EIF3H: variants seen among roughly 807,000 people sequenced by gnomAD.
EIF3H encodes the protein eukaryotic translation initiation factor 3 subunit H, also known as eIF-3-gamma.
A neutral mutation model predicts 44.2 loss-of-function variants in EIF3H; 26 were observed. The observed-to-expected ratio is 0.59, with a 90% CI of 0.43 to 0.82. The LOEUF (loss-of-function observed/expected upper bound fraction) is 0.82. Among genes scored for constraint, EIF3H ranks in the 40% least tolerant of loss-of-function variants. EIF3H has a pLI of 0.00. For missense variants in EIF3H, 359 were observed against 432.8 expected (o/e 0.83, Z 1.51); for synonymous variants, 166 against 151.9 (o/e 1.09, Z -0.68).
chr8:116,715,520 A>C (rs1814647514), intron 2 of EIF3H, among the ~76,000 whole-genome samples: 1 of 152,052 alleles, frequency 6.6e-6, no homozygotes, highest in Non-Finnish European at 1.5e-5. Flanking sequence ...AAATCAACCT[A>C]TTTTGAAGGC....
intron 2 of EIF3H, among the ~76,000 whole-genome samples, chr8:116,670,069 T>G (rs369650848): frequency 1.3e-5 from 2 of 152,348 alleles, no homozygotes; most frequent in African/African-American, 4.8e-5. Context: ...ACATTTCCTG[T>G]TATGACAATA....
At chr8:116,675,934 TATGA>T (rs1426579178) in intron 2 of EIF3H, among the ~76,000 whole-genome samples, 3 of 152,308 alleles carry the variant, frequency 2.0e-5, no homozygotes, top group African/African-American at 7.2e-5. Flanking sequence ...GTAAAACGTA[TATGA>T]ATAAGATTGT....
chr8:116,684,076 A>G (rs1418929095), intron 2 of EIF3H, among the ~76,000 whole-genome samples: 1 of 152,240 alleles, frequency 6.6e-6, no homozygotes, highest in East Asian at 1.9e-4. Flanking sequence ...TTTAGAAAAG[A>G]GAAAAATAAG....
intron 2 of EIF3H, among the ~76,000 whole-genome samples, chr8:116,718,087 A>G (rs531151133): frequency 3.3e-5 from 5 of 151,798 alleles, no homozygotes; most frequent in Non-Finnish European, 7.4e-5. Context: ...AGGACATGAA[A>G]GAGGATATAC....
intron 5 of EIF3H, among the ~76,000 whole-genome samples, chr8:116,652,245 A>G (rs1384376229): frequency 1.3e-5 from 2 of 152,228 alleles, no homozygotes; most frequent in Non-Finnish European, 2.9e-5. Flanking sequence ...ACTCAGTGAC[A>G]TAGTGACATC....
chr8:116,698,496 C>T (rs1410658327), intron 2 of EIF3H, among the ~76,000 whole-genome samples: 1 of 152,144 alleles, frequency 6.6e-6, no homozygotes. Context: ...TAAATAATGT[C>T]ATGATACTTA....
intron 1 of EIF3H, among the ~76,000 whole-genome samples, chr8:116,728,863 G>A (rs146329693): frequency 7.2e-5 from 11 of 152,220 alleles, no homozygotes; most frequent in African/African-American, 2.6e-4. Flanking sequence ...TAGCATTACT[G>A]ACACTACTAA....
rs1237727950 is a variant in EIF3H at position 116,707,218 on chromosome 8, G to A, written c.289+18798C>T. On this transcript the variant is annotated intron_variant, in intron 2 of 7. Coordinates refer to ENST00000521861, the MANE Select transcript of EIF3H (RefSeq NM_003756.3). ...GATTAATCCTCTCTCCAGAAAACAG[G>A]CCTAAAAAATATCAGTCCACATACG... Among the ~76,000 whole-genome samples the A allele has an allele frequency of 3.3e-5, 5 of 152,028 alleles. No homozygotes were observed. The East Asian group carries it at 9.6e-4, about 29-fold the overall frequency.
Position 116,743,788 on chromosome 8 carries a change from AT to A in EIF3H, c.132+11877del, listed in dbSNP as rs1815173839. On this transcript the variant is annotated intron_variant, in intron 1 of 7. Coordinates refer to ENST00000521861, the MANE Select transcript of EIF3H (RefSeq NM_003756.3). ...TACATACATATATATATATATATAT[AT>A]ATATATATAAACACACACACACACA... Among the ~76,000 whole-genome samples, 12 of 91,690 alleles carry A rather than the reference AT, an allele frequency of 1.3e-4. No homozygotes were observed. In the South Asian group the frequency reaches 3.3e-3, roughly 25 times the overall value. The allele number at this position is 91,690 out of a possible 152,430, so 60.2% of individuals were successfully genotyped here.
At position 116,642,559 on chromosome 8, in the gene EIF3H, C is replaced by T. The variant is rs1369239985; in HGVS notation, c.*2447G>A. 2 of 152,144 alleles carry T rather than the reference C, an allele frequency of 1.3e-5. No homozygotes were observed. Among genetic ancestry groups the T allele is most frequent in the African/African-American group, 2.4e-5 (1 of 41,432 alleles). The allele number at this position is 152,144 out of a possible 1,614,324, so 9.4% of individuals were successfully genotyped here. ...GAAAGTTAATGTCAAATATCTTCTA[C>T]TTTCTTGGTTTTTTAACATTCGATT... On this transcript the variant is annotated 3_prime_UTR_variant, in exon 8 of 8. Coordinates refer to ENST00000521861, the MANE Select transcript of EIF3H (RefSeq NM_003756.3).
At chr8:116,710,663 G>A (rs1814558647) in intron 2 of EIF3H, among the ~76,000 whole-genome samples, 4 of 152,178 alleles carry the variant, frequency 2.6e-5, no homozygotes, top group Admixed American at 2.6e-4. Flanking sequence ...ACAACTGCAG[G>A]CAACTGCATC....
At chr8:116,726,594 C>T (rs775710598) in intron 1 of EIF3H, among the ~76,000 whole-genome samples, 1 of 152,200 alleles carries the variant, frequency 6.6e-6, no homozygotes, top group Non-Finnish European at 1.5e-5. Flanking sequence ...ATCGGGACAC[C>T]TGAAAGCAGA....
At chr8:116,716,388 A>T (rs1241815797) in intron 2 of EIF3H, among the ~76,000 whole-genome samples, 1 of 152,128 alleles carries the variant, frequency 6.6e-6, no homozygotes, top group Non-Finnish European at 1.5e-5. Context: ...CTAAAACTAA[A>T]GCAAAAACTA....
At chr8:116,675,833 T>C (rs1253099719) in intron 2 of EIF3H, among the ~76,000 whole-genome samples, 2 of 152,226 alleles carry the variant, frequency 1.3e-5, no homozygotes, top group East Asian at 1.9e-4. Flanking sequence ...CTATCCTTTA[T>C]GGTACATATA....
chr8:116,700,506 A>T (rs528861709), intron 2 of EIF3H, among the ~76,000 whole-genome samples: 1 of 151,896 alleles, frequency 6.6e-6, no homozygotes, highest in Admixed American at 6.6e-5. Flanking sequence ...GGCCTAGGGG[A>T]GCCAAAAGAT....
At chr8:116,698,408 T>C (rs954925202) in intron 2 of EIF3H, among the ~76,000 whole-genome samples, 5 of 152,286 alleles carry the variant, frequency 3.3e-5, no homozygotes, top group African/African-American at 1.2e-4. Flanking sequence ...CACATTCTCC[T>C]ATCTACCCCA....
At chr8:116,691,546 A>G (rs959578269) in intron 2 of EIF3H, among the ~76,000 whole-genome samples, 2 of 148,236 alleles carry the variant, frequency 1.3e-5, no homozygotes, top group Non-Finnish European at 3.0e-5. Context: ...AGGAAGCTCT[A>G]TTTTAATAGG....
At chr8:116,748,848 G>C (rs1815283211) in intron 1 of EIF3H, among the ~76,000 whole-genome samples, 1 of 152,134 alleles carries the variant, frequency 6.6e-6, no homozygotes, top group Admixed American at 6.5e-5. Context: ...TCCCTAGATT[G>C]CATATAACAT....
chr8:116,669,212 G>A (rs1469599639), intron 2 of EIF3H, among the ~76,000 whole-genome samples: 1 of 152,010 alleles, frequency 6.6e-6, no homozygotes, highest in African/African-American at 2.4e-5. Flanking sequence ...GTACAATAAA[G>A]AACAGATTCA....
Sources: allele counts gnomAD v4.1 joint callset (sites outside exome capture counted in the v4.1 genomes callset), GRCh38; gene constraint gnomAD v4.1.1; transcripts MANE v1.5; gene names NCBI Gene and HGNC (gene_info 2026-07-23, HGNC 2026-07-21).